VCAN: variants seen among roughly 807,000 people sequenced by gnomAD.
VCAN encodes versican.
A neutral mutation model predicts 245.5 loss-of-function variants in VCAN; 44 were observed. The ratio of observed to expected loss-of-function variants is 0.18; its 90% CI spans 0.14 to 0.23. The LOEUF is 0.23. Ranked by LOEUF, VCAN falls within the 10% of genes least tolerant of loss-of-function variation. The pLI is 1.00. For synonymous variants in VCAN, 1,413 were observed against 1,437.0 expected (o/e 0.98, Z 0.38); for missense variants, 3,793 against 4,057.9 (o/e 0.93, Z 1.77).
intron 10 of VCAN, among the ~76,000 whole-genome samples, chr5:83,549,909 T>C (rs1747395077): frequency 6.6e-6 from 1 of 152,234 alleles, no homozygotes; most frequent in Admixed American, 6.5e-5. Flanking sequence ...CTTTGTTGTC[T>C]AAACAATTTT....
intron 9 of VCAN, among the ~76,000 whole-genome samples, chr5:83,546,155 T>C (rs1445792942): frequency 6.6e-6 from 1 of 152,034 alleles, no homozygotes; most frequent in Non-Finnish European, 1.5e-5. Context: ...GCTGTGCAAT[T>C]GCTGTTCCCT....
chr5:83,487,362 T>G (rs1173185923), intron 2 of VCAN, among the ~76,000 whole-genome samples: 7 of 152,194 alleles, frequency 4.6e-5, no homozygotes, highest in Non-Finnish European at 8.8e-5. Flanking sequence ...TTTAGTGATT[T>G]CTCCCTCACT....
At chr5:83,498,303 C>G (rs1349525284) in intron 5 of VCAN, among the ~76,000 whole-genome samples, 3 of 152,172 alleles carry the variant, frequency 2.0e-5, no homozygotes, top group Non-Finnish European at 2.9e-5. Context: ...ACTTCTTTCT[C>G]TCCTACTAAA....
chr5:83,566,409 G>A (rs1748079981), intron 12 of VCAN, among the ~76,000 whole-genome samples: 1 of 152,096 alleles, frequency 6.6e-6, no homozygotes, highest in Non-Finnish European at 1.5e-5. Context: ...TTAGGTCATT[G>A]ATCATGGCCA....
chr5:83,557,647 C>G (rs1449792010), intron 12 of VCAN, among the ~76,000 whole-genome samples: 3 of 152,056 alleles, frequency 2.0e-5, no homozygotes, highest in African/African-American at 4.8e-5. Flanking sequence ...GTGACTATTT[C>G]CATAGTCTAG....
At chr5:83,551,863 C>A (rs1028176073) in intron 10 of VCAN, among the ~76,000 whole-genome samples, 3 of 147,706 alleles carry the variant, frequency 2.0e-5, no homozygotes, top group African/African-American at 7.3e-5. Flanking sequence ...AGAAATACTA[C>A]ATCCAAGTAG....
At chr5:83,501,641 G>A (rs773832126) in intron 5 of VCAN, among the ~76,000 whole-genome samples, 8 of 152,106 alleles carry the variant, frequency 5.3e-5, no homozygotes, top group Non-Finnish European at 1.2e-4. Context: ...ATATTCCATT[G>A]ATCTGTATGT....
intron 1 of VCAN, among the ~76,000 whole-genome samples, chr5:83,477,075 C>T (rs756351157): frequency 7.9e-5 from 12 of 152,076 alleles, no homozygotes; most frequent in Non-Finnish European, 8.8e-5. Context: ...GTTGGACTCA[C>T]TAGCTGAGAA....
chr5:83,559,881 C>T (rs1489751450), intron 12 of VCAN, among the ~76,000 whole-genome samples: 1 of 151,978 alleles, frequency 6.6e-6, no homozygotes, highest in Non-Finnish European at 1.5e-5. Context: ...CTGAAATGAA[C>T]ACATTATGTC....
At chr5:83,531,377 A>G (rs930115405) in intron 7 of VCAN, 6 of 152,086 alleles carry the variant, frequency 3.9e-5, no homozygotes, top group Admixed American at 2.6e-4. Context: ...TACTTTGGCC[A>G]TATGCTTCAC....
At chr5:83,506,173 A>G (rs1426365767) in intron 5 of VCAN, among the ~76,000 whole-genome samples, 1 of 152,182 alleles carries the variant, frequency 6.6e-6, no homozygotes, top group Non-Finnish European at 1.5e-5. Context: ...GCTCCTTGCT[A>G]CTTATGCAAA....
At chr5:83,533,953 G>T (rs1426550660) in intron 7 of VCAN, 1 of 152,054 alleles carries the variant, frequency 6.6e-6, no homozygotes, top group Non-Finnish European at 1.5e-5. Context: ...AATATGAGTT[G>T]ATAGTTAGCT....
chr5:83,525,680 G>C (rs1746268515), intron 7 of VCAN, among the ~76,000 whole-genome samples: 1 of 151,960 alleles, frequency 6.6e-6, no homozygotes, highest in Non-Finnish European at 1.5e-5. Flanking sequence ...TTTCCTACTG[G>C]TTTTGTAATT....
intron 11 of VCAN, among the ~76,000 whole-genome samples, chr5:83,554,566 C>A (rs1419281811): frequency 1.3e-5 from 2 of 151,852 alleles, no homozygotes; most frequent in Non-Finnish European, 1.5e-5. Flanking sequence ...TAAGATCTGG[C>A]ACATTTTATT....
Position 83,506,142 on chromosome 5 carries a change from G to C in VCAN, c.749-5961G>C, listed in dbSNP as rs138642897. ...CATGGCCTGAAGACATTTTATCCAC[G>C]GTCTTGGGGATTAACGTTAGGCTCC... On this transcript the variant is annotated intron_variant, in intron 5 of 14. Transcript: ENST00000265077. Among the ~76,000 whole-genome samples the C allele has an allele frequency of 3.3e-3, 501 of 152,278 alleles. 2 individuals are homozygous for C. Among genetic ancestry groups the C allele is most frequent in the African/African-American group, 0.012 (479 of 41,558 alleles).
At chr5:83,493,472 C>T in intron 3 of VCAN, 74 bp from the exon 4 acceptor site, 13 of 1,589,050 alleles carry the variant, frequency 8.2e-6, no homozygotes, top group East Asian at 2.2e-5. Context: ...TGATACATTG[C>T]TCCAATGAGA....
chr5:83,494,338 T>C lies in VCAN; in HGVS notation c.748+407T>C, dbSNP rs984176048. ...CCCCAGAGCTAACTAAATAACTCCA[T>C]AAACTAGCCCAGCAGGAATTTTCAA... On this transcript the variant is annotated intron_variant, in intron 5 of 14. Transcript: ENST00000265077. Among the ~76,000 whole-genome samples, 4 of 152,280 alleles carry C rather than the reference T, an allele frequency of 2.6e-5. No homozygotes were observed. The East Asian group carries it at 7.7e-4, about 29-fold the overall frequency.
Position 83,540,594 on chromosome 5 carries a change from A to G in VCAN, c.7591A>G (p.Thr2531Ala). The change falls in exon 8 of 15, where the codon ACC (threonine) becomes GCC (alanine). Residue 2531 changes from threonine to alanine, a missense_variant. By Grantham distance (58) the Thr-to-Ala change is moderately conservative (BLOSUM62 0). This residue lies in a region of VCAN where 3,182 missense variants were observed against 3,250.3 expected (regional missense o/e 0.98). Coordinates refer to ENST00000265077, the MANE Select transcript of VCAN (RefSeq NM_004385.5). ...QDRFREFEDS[T>A]LKPNRKKPTE... ...CCGTTTCAGGGAATTCGAGGATTCC[A>G]CCTTAAAACCTAACAGAAAAAAACC... 1.2e-6 allele frequency: 2 copies of G among 1,613,970 alleles called. 1 individual carries two copies. The highest frequency in any genetic ancestry group is 2.2e-5 in the South Asian group (2 of 91,082).
At chr5:83,579,652 G>A (rs948996399) in intron 13 of VCAN, among the ~76,000 whole-genome samples, 1 of 152,072 alleles carries the variant, frequency 6.6e-6, no homozygotes, top group African/African-American at 2.4e-5. Context: ...AAAAACTTAG[G>A]GACGGTGATG....
Sources: allele counts gnomAD v4.1 joint callset (sites outside exome capture counted in the v4.1 genomes callset), GRCh38; gene constraint gnomAD v4.1.1; regional missense constraint gnomAD v4.1.1; transcripts MANE v1.5; gene names NCBI Gene and HGNC (gene_info 2026-07-23, HGNC 2026-07-21).